Variants in NCK2 observed in about 807,000 individuals in gnomAD.
NCK2 encodes NCK adaptor protein 2.
In NCK2, 16 loss-of-function variants were observed where a neutral mutation model predicts 33.9. The ratio of observed to expected loss-of-function variants is 0.47; its 90% CI spans 0.32 to 0.72. The LOEUF is 0.72. Among genes scored for constraint, NCK2 ranks in the 30% least tolerant of loss-of-function variants. NCK2 has a pLI of 0.03. For missense variants in NCK2, 418 were observed against 537.3 expected (o/e 0.78, Z 2.19); for synonymous variants, 273 against 239.9 (o/e 1.14, Z -1.27).
intron 2 of NCK2, among the ~76,000 whole-genome samples, chr2:105,818,185 A>C (rs1392475884): frequency 6.7e-6 from 1 of 149,480 alleles, no homozygotes; most frequent in African/African-American, 2.5e-5. Context: ...AGGACAAAAA[A>C]CCAAACACTG....
Position 105,844,345 on chromosome 2 carries a change from A to G in NCK2, c.-16-10703A>G, listed in dbSNP as rs1310673404. On this transcript the variant is annotated intron_variant, in intron 2 of 4. Transcript: ENST00000233154. ...CTGAATAAACCATGAACTTTAGTTA[A>G]TGTATGGGTAGTGGTTCATTAATTG... Among the ~76,000 whole-genome samples the G allele has an allele frequency of 2.0e-5, 3 of 152,216 alleles. No individual in the cohort carries two copies. The East Asian group carries it at 5.8e-4, about 29-fold the overall frequency.
intron 3 of NCK2, chr2:105,857,153 C>G (rs1400410854): frequency 2.0e-5 from 3 of 152,162 alleles, no homozygotes; most frequent in Admixed American, 6.5e-5. Context: ...CCTTGAAAAC[C>G]TTGTCAGTTT....
chr2:105,849,249 C>G (rs1004403319), intron 2 of NCK2, among the ~76,000 whole-genome samples: 1 of 152,232 alleles, frequency 6.6e-6, no homozygotes, highest in Admixed American at 6.5e-5. Flanking sequence ...AAAAAACTAG[C>G]AGGGCGCGGT....
At chr2:105,749,794 C>G (rs957066905) in intron 1 of NCK2, among the ~76,000 whole-genome samples, 11 of 151,990 alleles carry the variant, frequency 7.2e-5, no homozygotes, top group African/African-American at 2.7e-4. Context: ...CAGGGTTACC[C>G]TGGAAAGCCT....
At chr2:105,759,574 CTG>C (rs759869027) in intron 1 of NCK2, among the ~76,000 whole-genome samples, 3 of 152,150 alleles carry the variant, frequency 2.0e-5, no homozygotes, top group Non-Finnish European at 4.4e-5. Context: ...CTGATATAAA[CTG>C]TGTCTACTTT....
intron 4 of NCK2, among the ~76,000 whole-genome samples, chr2:105,888,252 C>G (rs145443472): frequency 2.0e-5 from 3 of 152,212 alleles, no homozygotes; most frequent in African/African-American, 7.2e-5. Context: ...ACCATTGATT[C>G]AAAAACTATG....
chr2:105,852,946 T>A (rs989291646), intron 2 of NCK2, among the ~76,000 whole-genome samples: 2 of 152,222 alleles, frequency 1.3e-5, no homozygotes, highest in African/African-American at 2.4e-5. Flanking sequence ...AAAGGTTTGT[T>A]ATCTTTAAAT....
chr2:105,835,719 T>C (rs1676405709), intron 2 of NCK2, among the ~76,000 whole-genome samples: 1 of 151,974 alleles, frequency 6.6e-6, no homozygotes, highest in Non-Finnish European at 1.5e-5. Flanking sequence ...AGAGGGTTTC[T>C]ATGCTTTTCT....
intron 1 of NCK2, among the ~76,000 whole-genome samples, chr2:105,749,098 T>A (rs57437485): frequency 9.3e-4 from 141 of 152,314 alleles, no homozygotes; most frequent in African/African-American, 3.2e-3. Context: ...GCCAACCCCA[T>A]ACTCAACTGT....
At chr2:105,842,155 G>A (rs1286383361) in intron 2 of NCK2, among the ~76,000 whole-genome samples, 4 of 151,768 alleles carry the variant, frequency 2.6e-5, no homozygotes, top group Non-Finnish European at 5.9e-5. Context: ...GCGCGACCTC[G>A]GCTCACTGCA....
intron 3 of NCK2, among the ~76,000 whole-genome samples, chr2:105,880,203 T>C (rs541326484): frequency 2.0e-4 from 30 of 152,362 alleles, no homozygotes; most frequent in Non-Finnish European, 3.4e-4. Flanking sequence ...TTACTGTAAT[T>C]GTGTTTGATG....
chr2:105,893,271 C>A lies in NCK2; in HGVS notation c.*95C>A. 1.6e-6 allele frequency: 2 copies of A among 1,225,314 alleles called. No homozygotes were observed. The highest frequency in any genetic ancestry group is 2.2e-6 in the Non-Finnish European group (2 of 897,698). 75.9% of individuals were successfully genotyped at this position (1,225,314 alleles called of 1,614,324 possible). On this transcript the variant is annotated 3_prime_UTR_variant, in exon 5 of 5. Transcript: ENST00000233154. ...GCTCCTCCCGCGGGGACGGCCCCGA[C>A]GGCTTCTCTGCGAGTCTCTCTTTAT...
At chr2:105,754,642 G>C (rs922654369) in intron 1 of NCK2, among the ~76,000 whole-genome samples, 3 of 151,442 alleles carry the variant, frequency 2.0e-5, no homozygotes, top group Non-Finnish European at 4.4e-5. Flanking sequence ...GTTGGGGGGA[G>C]CTGCTGCATT....
intron 3 of NCK2, among the ~76,000 whole-genome samples, chr2:105,870,670 G>A (rs1042610107): frequency 2.6e-5 from 4 of 152,088 alleles, no homozygotes; most frequent in Non-Finnish European, 5.9e-5. Context: ...CACAAGAATC[G>A]CTTGAACCTG....
intron 2 of NCK2, among the ~76,000 whole-genome samples, chr2:105,835,154 G>A (rs569885649): frequency 7.1e-4 from 107 of 151,284 alleles, no homozygotes; most frequent in African/African-American, 1.9e-3. Flanking sequence ...TTATGTTTTC[G>A]CACTACCAGT....
intron 1 of NCK2, among the ~76,000 whole-genome samples, chr2:105,748,763 G>A (rs937181880): frequency 2.0e-5 from 3 of 151,934 alleles, no homozygotes; most frequent in African/African-American, 2.4e-5. Flanking sequence ...ATTCTGAACC[G>A]CTTGGGGGCA....
chr2:105,793,260 G>T (rs1321198348), intron 1 of NCK2, among the ~76,000 whole-genome samples: 1 of 151,450 alleles, frequency 6.6e-6, no homozygotes, highest in Admixed American at 6.6e-5. Flanking sequence ...CCAGAGTGCT[G>T]CCTGTTTTTT....
intron 2 of NCK2, among the ~76,000 whole-genome samples, chr2:105,850,357 C>T (rs1449890357): frequency 1.3e-5 from 2 of 152,094 alleles, no homozygotes; most frequent in Non-Finnish European, 2.9e-5. Flanking sequence ...GTATTTTAGG[C>T]GTTAGTGAAA....
intron 1 of NCK2, among the ~76,000 whole-genome samples, chr2:105,754,684 T>A (rs1689552310): frequency 6.6e-6 from 1 of 152,032 alleles, no homozygotes; most frequent in Non-Finnish European, 1.5e-5. Context: ...ACAACTTTTT[T>A]TTTTTTTTTT....
Sources: allele counts gnomAD v4.1 joint callset (sites outside exome capture counted in the v4.1 genomes callset), GRCh38; gene constraint gnomAD v4.1.1; transcripts MANE v1.5; gene names NCBI Gene and HGNC (gene_info 2026-07-23, HGNC 2026-07-21).